Variants in CSN1S1 observed in about 807,000 individuals in gnomAD.
CSN1S1 encodes casein alpha s1.
A neutral mutation model predicts 49.1 loss-of-function variants in CSN1S1; 63 were observed. The observed-to-expected ratio is 1.28, with a 90% confidence interval of 1.05 to 1.58. The LOEUF is 1.58. Ranked by LOEUF, CSN1S1 falls within the 40% of genes most tolerant of loss-of-function variation. The probability of loss-of-function intolerance (pLI) is 0.00; values close to 1 mark genes in which losing one functional copy is unlikely to be tolerated. For synonymous variants in CSN1S1, 78 were observed against 67.1 expected (o/e 1.16, Z -0.79); for missense variants, 260 against 224.7 (o/e 1.16, Z -1.01).
intron 1 of CSN1S1, among the ~76,000 whole-genome samples, chr4:69,931,909 A>T (rs561981635): frequency 6.6e-6 from 1 of 152,098 alleles, no homozygotes; most frequent in South Asian, 2.1e-4. Flanking sequence ...GATTCTATCC[A>T]ATTCAATCAT....
chr4:69,934,595 A>G, intron 3 of CSN1S1, 95 bp from the exon 4 acceptor site: 1 of 1,087,348 alleles, frequency 9.2e-7, no homozygotes, highest in South Asian at 1.3e-5. Context: ...ATCTTGAATT[A>G]GTTACCTCTA....
In CSN1S1 at chr4:69,939,162, T is replaced by C; in HGVS notation, c.244-14T>C. ...ATCCCAGGGGATAATTAACACTAGA[T>C]TTCTTTCTTTTAGAAGATGGAATCC... On this transcript the variant is annotated splice_polypyrimidine_tract_variant and intron_variant, in intron 9 of 15. Transcript: ENST00000246891. 1.3e-6 allele frequency: 2 copies of C among 1,590,838 alleles called. No homozygotes were observed. The highest frequency in any genetic ancestry group is 2.3e-5 in the South Asian group (2 of 88,812).
At chr4:69,936,648 ATTC>A (rs1722797794) in intron 7 of CSN1S1, 41 bp downstream of exon 7, 12 of 1,538,206 alleles carry the variant, frequency 7.8e-6, no homozygotes, top group Non-Finnish European at 1.1e-5. Context: ...AAAAGTATAT[ATTC>A]TTGTAGTAGA....
At position 69,934,743 on chromosome 4, in the gene CSN1S1, T is replaced by C. The variant is rs1722717962; in HGVS notation, c.105+33T>C. 1.9e-6 allele frequency: 3 copies of C among 1,596,016 alleles called. No individual in the cohort carries two copies. In the African/African-American group the frequency reaches 4.0e-5, roughly 21 times the overall value. On this transcript the variant is annotated intron_variant, in intron 4 of 15. Transcript: ENST00000246891. ...CTGTTTATGGGGAGTCAGGATTCTC[T>C]CTTCCTTTTGCTCTCTTTCAGTTAG... is the stretch of plus-strand genomic sequence containing the variant.
intron 14 of CSN1S1, among the ~76,000 whole-genome samples, chr4:69,944,509 A>G (rs1389336320): frequency 6.6e-6 from 1 of 152,030 alleles, no homozygotes; most frequent in Admixed American, 6.6e-5. Flanking sequence ...CCTTGAGTTT[A>G]TAACGTAAAT....
Position 69,942,525 on chromosome 4 carries a change from C to A in CSN1S1, c.361-11C>A. The A allele has an allele frequency of 6.3e-7, 1 of 1,578,756 alleles. No individual in the cohort carries two copies. Among genetic ancestry groups the A allele is most frequent in the Non-Finnish European group, 8.6e-7 (1 of 1,160,146 alleles). On this transcript the variant is annotated splice_polypyrimidine_tract_variant and intron_variant, in intron 13 of 15. Transcript: ENST00000246891. ...GTCTAAGTAATTTAGAATGTGTTTC[C>A]TTTTATGCAGGAGCAAATTCGCAGA...
intron 12 of CSN1S1, 146 bp from the exon 13 acceptor site, chr4:69,941,900 T>C: frequency 2.2e-6 from 1 of 458,338 alleles, no homozygotes. Context: ...AACCTACTTG[T>C]CCTCCTGAGA....
intron 7 of CSN1S1, 77 bp downstream of exon 7, chr4:69,936,684 A>G: frequency 7.3e-7 from 1 of 1,363,656 alleles, no homozygotes; most frequent in South Asian, 1.4e-5. Context: ...CTTTAGGAAA[A>G]AAAAGCATTT....
At chr4:69,941,999 A>G (rs374125880) in intron 12 of CSN1S1, 47 bp from the exon 13 acceptor site, 89 of 1,270,750 alleles carry the variant, frequency 7.0e-5, no homozygotes, top group Non-Finnish European at 9.0e-5. Context: ...CTTATTAATG[A>G]GTAAATAAAA....
At chr4:69,936,306 G>A in intron 5 of CSN1S1, 150 bp from the exon 6 acceptor site, 1 of 697,902 alleles carries the variant, frequency 1.4e-6, no homozygotes, top group Non-Finnish European at 2.4e-6. Flanking sequence ...GGTTAGAAAT[G>A]ATATAATAAG....
chr4:69,944,069 T>C (rs1418519489), intron 14 of CSN1S1, among the ~76,000 whole-genome samples: 1 of 152,002 alleles, frequency 6.6e-6, no homozygotes, highest in African/African-American at 2.4e-5. Flanking sequence ...TTGAGGTAGT[T>C]ACCTTATTTT....
chr4:69,936,629 G>C (rs1335631777), intron 7 of CSN1S1, 22 bp downstream of exon 7: 1 of 1,590,226 alleles, frequency 6.3e-7, no homozygotes, highest in Non-Finnish European at 8.6e-7. Flanking sequence ...TTTCTTGAAA[G>C]AGTATGGCAA....
At chr4:69,941,447 G>A (rs1479687327) in intron 12 of CSN1S1, among the ~76,000 whole-genome samples, 1 of 151,726 alleles carries the variant, frequency 6.6e-6, no homozygotes, top group Non-Finnish European at 1.5e-5. Context: ...ATAGATTCTG[G>A]GAAAGGAAAC....
chr4:69,945,669 C>G (rs375044226), intron 15 of CSN1S1, among the ~76,000 whole-genome samples: 1 of 151,926 alleles, frequency 6.6e-6, no homozygotes, highest in Non-Finnish European at 1.5e-5. Flanking sequence ...AGGAACTCCA[C>G]AGTTAGGGCC....
At chr4:69,937,902 C>CATTTGGGAGCA in intron 9 of CSN1S1, 79 bp downstream of exon 9, 1 of 978,862 alleles carries the variant, frequency 1.0e-6, no homozygotes, top group South Asian at 2.3e-5. Context: ...TTTAAAAAGA[C>CATTTGGGAGCA]TGTCTTCTGA....
intron 2 of CSN1S1, among the ~76,000 whole-genome samples, chr4:69,933,643 G>A (rs989764542): frequency 1.3e-5 from 2 of 151,948 alleles, no homozygotes; most frequent in African/African-American, 2.4e-5. Flanking sequence ...CCAGAAAATA[G>A]ATGTTACACT....
chr4:69,934,236 CGCCTTCAGG>C lies in CSN1S1; in HGVS notation c.77_84+1del. 1 of 1,610,746 alleles carries C rather than the reference CGCCTTCAGG, an allele frequency of 6.2e-7. No homozygotes were observed. Among genetic ancestry groups the C allele is most frequent in the African/African-American group, 1.3e-5 (1 of 74,864 alleles). On this transcript the variant is annotated splice_donor_variant and coding_sequence_variant, in exon 3 of 16. Coordinates refer to ENST00000246891, the MANE Select transcript of CSN1S1 (RefSeq NM_001890.2). LOFTEE classifies it high-confidence loss of function. ...GAAACTTCCTCTTAGATACCCAGAA[CGCCTTCAGG>C]TAAATATTCTATTCTGCATTCCAAG...
intron 11 of CSN1S1, 151 bp from the exon 12 acceptor site, chr4:69,940,868 A>C (rs1274831852): frequency 2.4e-5 from 11 of 459,746 alleles, no homozygotes; most frequent in Non-Finnish European, 4.4e-5. Context: ...GATCCAAATT[A>C]TTTGGGGTAG....
chr4:69,933,153 A>T (rs1407473362), intron 2 of CSN1S1, among the ~76,000 whole-genome samples: 1 of 150,916 alleles, frequency 6.6e-6, no homozygotes, highest in Non-Finnish European at 1.5e-5. Context: ...TATTGTGGTC[A>T]CTGTAGACAA....
Sources: allele counts gnomAD v4.1 joint callset (sites outside exome capture counted in the v4.1 genomes callset), GRCh38; gene constraint gnomAD v4.1.1; transcripts MANE v1.5; gene names NCBI Gene and HGNC (gene_info 2026-07-23, HGNC 2026-07-21).